The following THSD7B variants were observed in gnomAD, a reference collection of about 807,000 sequenced individuals.
THSD7B encodes thrombospondin type-1 domain-containing protein 7B.
In THSD7B, 138 loss-of-function variants were observed where a neutral mutation model predicts 213.6. The observed-to-expected ratio is 0.65, with a 90% confidence interval of 0.56 to 0.74. The LOEUF (loss-of-function observed/expected upper bound fraction) is 0.74, where lower values mean the gene tolerates loss of function less well. Among genes scored for constraint, THSD7B ranks in the 30% least tolerant of loss-of-function variants. The pLI is 0.00. For missense variants in THSD7B, 1,931 were observed against 1,991.5 expected (o/e 0.97, Z 0.58); for synonymous variants, 742 against 687.0 (o/e 1.08, Z -1.25).
intron 2 of THSD7B, among the ~76,000 whole-genome samples, chr2:136,985,489 C>T (rs1305421842): frequency 6.6e-6 from 1 of 152,180 alleles, no homozygotes; most frequent in East Asian, 1.9e-4. Context: ...TTGGTGGCTT[C>T]CACATGGTGT....
At chr2:136,918,498 C>A (rs1216266586) in intron 2 of THSD7B, among the ~76,000 whole-genome samples, 1 of 152,168 alleles carries the variant, frequency 6.6e-6, no homozygotes, top group African/African-American at 2.4e-5. Flanking sequence ...GCCTGTCCTT[C>A]TTATTTTTCC....
chr2:137,089,138 A>G (rs769087190), intron 3 of THSD7B, among the ~76,000 whole-genome samples: 3 of 151,944 alleles, frequency 2.0e-5, no homozygotes, highest in Non-Finnish European at 2.9e-5. Context: ...ATAAGTCATT[A>G]TACGAAAAAT....
chr2:137,182,601 G>A (rs933911239), intron 7 of THSD7B, among the ~76,000 whole-genome samples: 1 of 152,154 alleles, frequency 6.6e-6, no homozygotes, highest in Admixed American at 6.6e-5. Flanking sequence ...ATCCGTAGGA[G>A]TAACACTGGT....
intron 10 of THSD7B, among the ~76,000 whole-genome samples, chr2:137,253,322 T>C (rs182446927): frequency 5.3e-5 from 8 of 152,330 alleles, no homozygotes; most frequent in African/African-American, 1.9e-4. Context: ...GTTTAGTGTG[T>C]GGAGTTCTGT....
At chr2:137,516,027 T>C (rs1036603270) in intron 15 of THSD7B, among the ~76,000 whole-genome samples, 4 of 152,194 alleles carry the variant, frequency 2.6e-5, no homozygotes, top group African/African-American at 7.2e-5. Flanking sequence ...AACTACAACA[T>C]TTAAATGCAA....
intron 15 of THSD7B, among the ~76,000 whole-genome samples, chr2:137,471,172 C>T (rs1037100282): frequency 2.6e-5 from 4 of 151,988 alleles, no homozygotes; most frequent in East Asian, 1.9e-4. Flanking sequence ...CCACCAGCCT[C>T]GGCCCCCCAA....
chr2:137,287,337 A>G (rs1287820334), intron 12 of THSD7B, among the ~76,000 whole-genome samples: 1 of 152,178 alleles, frequency 6.6e-6, no homozygotes, highest in African/African-American at 2.4e-5. Flanking sequence ...AAATATCTTC[A>G]GATTATAACA....
intron 1 of THSD7B, among the ~76,000 whole-genome samples, chr2:136,786,083 C>A (rs1456856624): frequency 6.6e-6 from 1 of 152,116 alleles, no homozygotes; most frequent in South Asian, 2.1e-4. Context: ...TTGAGGCTAA[C>A]CCCTTAAAAC....
At chr2:137,333,375 A>C (rs1684558119) in intron 12 of THSD7B, among the ~76,000 whole-genome samples, 1 of 152,146 alleles carries the variant, frequency 6.6e-6, no homozygotes, top group African/African-American at 2.4e-5. Context: ...ATCTTTCAAT[A>C]ATTTTTCCTT....
intron 2 of THSD7B, among the ~76,000 whole-genome samples, chr2:136,999,975 T>C (rs1029039091): frequency 4.6e-5 from 7 of 152,146 alleles, no homozygotes; most frequent in African/African-American, 1.7e-4. Flanking sequence ...CCAATTCCAA[T>C]TGAAGAATTT....
intron 7 of THSD7B, among the ~76,000 whole-genome samples, chr2:137,223,280 G>A (rs1309829030): frequency 6.6e-6 from 1 of 152,140 alleles, no homozygotes; most frequent in Non-Finnish European, 1.5e-5. Context: ...CTGCAGGTGC[G>A]CTTTCAAGAC....
chr2:136,999,457 G>A (rs898325162), intron 2 of THSD7B, among the ~76,000 whole-genome samples: 15 of 150,768 alleles, frequency 9.9e-5, no homozygotes, highest in African/African-American at 3.7e-4. Flanking sequence ...ATTTAAATTA[G>A]GTATCTTGTT....
intron 2 of THSD7B, among the ~76,000 whole-genome samples, chr2:137,011,064 A>G (rs975448191): frequency 6.6e-6 from 1 of 152,158 alleles, no homozygotes; most frequent in Non-Finnish European, 1.5e-5. Flanking sequence ...TATCTTCCTA[A>G]TAGTGATTCT....
At chr2:137,433,948 G>A (rs1332135430) in intron 14 of THSD7B, among the ~76,000 whole-genome samples, 3 of 151,992 alleles carry the variant, frequency 2.0e-5, no homozygotes, top group Non-Finnish European at 1.5e-5. Context: ...ATTCTTAGTT[G>A]CTCATTATTC....
chr2:136,902,937 T>A (rs2105014103), intron 2 of THSD7B, among the ~76,000 whole-genome samples: 1 of 152,316 alleles, frequency 6.6e-6, no homozygotes, highest in Non-Finnish European at 1.5e-5. Context: ...TGTTACAAGC[T>A]GGTCCAGCAT....
At chr2:137,499,300 A>G (rs571417192) in intron 15 of THSD7B, among the ~76,000 whole-genome samples, 3 of 152,334 alleles carry the variant, frequency 2.0e-5, no homozygotes, top group East Asian at 1.9e-4. Flanking sequence ...CTAAAATAGT[A>G]TACAGATTGC....
chr2:137,645,682 A>T (rs1442861447), intron 21 of THSD7B, among the ~76,000 whole-genome samples: 1 of 152,200 alleles, frequency 6.6e-6, no homozygotes, highest in Non-Finnish European at 1.5e-5. Context: ...TAAAAAAAAA[A>T]AAAACCACTT....
chr2:137,438,918 T>C (rs1174798938), intron 14 of THSD7B, among the ~76,000 whole-genome samples: 1 of 151,948 alleles, frequency 6.6e-6, no homozygotes, highest in East Asian at 1.9e-4. Context: ...GTAAAACCAA[T>C]TATTAGCGTC....
intron 12 of THSD7B, among the ~76,000 whole-genome samples, chr2:137,339,465 G>T (rs892400324): frequency 3.3e-5 from 5 of 151,990 alleles, no homozygotes; most frequent in South Asian, 2.1e-4. Flanking sequence ...ATTGTGAGGG[G>T]ATGGATTGGG....
Sources: allele counts gnomAD v4.1 joint callset (sites outside exome capture counted in the v4.1 genomes callset), GRCh38; gene constraint gnomAD v4.1.1; transcripts MANE v1.5; gene names NCBI Gene and HGNC (gene_info 2026-07-23, HGNC 2026-07-21).